COL12A1: variants seen among roughly 807,000 people sequenced by gnomAD.
COL12A1 encodes the protein collagen alpha-1(XII) chain.
Under a neutral mutation model 349.7 loss-of-function variants are expected in COL12A1, and 114 were observed. That is an observed-to-expected ratio of 0.33 (90% CI 0.28 to 0.38). COL12A1 has a LOEUF of 0.38. COL12A1 is among the 10% of genes least tolerant of loss of function. The pLI is 1.00. For missense variants in COL12A1, 3,284 were observed against 3,756.9 expected, an observed-to-expected ratio of 0.87 and a Z score of 3.29; for synonymous variants, 1,369 against 1,329.0, an observed-to-expected ratio of 1.03 and a Z score of -0.66.
Position 75,142,181 on chromosome 6 carries a change from G to A in COL12A1, c.4828-20C>T, listed in dbSNP as rs1472817571. ...CTCTACCTATAACAGTAACAGAGCA[G>A]TGGAACTACTTTTACAAAGGGTTTA... On this transcript the variant is annotated intron_variant, in intron 26 of 65. Transcript: ENST00000322507. 4.3e-6 allele frequency: 7 copies of A among 1,613,660 alleles called. No individual in the cohort carries two copies. In the South Asian group the frequency reaches 5.5e-5, roughly 13 times the overall value.
chr6:75,088,924 C>G (rs891496320), intron 64 of COL12A1, among the ~76,000 whole-genome samples, 182 bp downstream of exon 64: 1 of 151,874 alleles, frequency 6.6e-6, no homozygotes. Context: ...TGGCGTGAAC[C>G]CAGGAGGTGG....
rs189395945 is a variant in COL12A1, at chr6:75,141,452, G to C, written c.4957+580C>G. Reference sequence around the variant, plus strand: ...GCAGACGGAGCAGGAAGCAGGGTCTGGGCAGGCTGCCCGGTATCCCCCAGC... The same window carrying C: ...GCAGACGGAGCAGGAAGCAGGGTCTCGGCAGGCTGCCCGGTATCCCCCAGC... On this transcript the variant is annotated intron_variant, in intron 27 of 65. Transcript: ENST00000322507. 2.8e-3 allele frequency among the ~76,000 whole-genome samples: 433 copies of C among 152,288 alleles called. 1 individual carries two copies. Among genetic ancestry groups the C allele is most frequent in the African/African-American group, 9.1e-3 (378 of 41,562 alleles).
At chr6:75,175,351 A>T (rs1467490649) in intron 12 of COL12A1, 41 bp from the exon 13 acceptor site, 2 of 1,583,292 alleles carry the variant, frequency 1.3e-6, no homozygotes, top group Non-Finnish European at 8.6e-7. Flanking sequence ...CCCATTATTT[A>T]AAAAAATGAC....
chr6:75,151,300 A>G lies in COL12A1; in HGVS notation c.4001-13T>C. 2 of 1,606,302 alleles carry G rather than the reference A, an allele frequency of 1.2e-6. No individual in the cohort carries two copies. Among genetic ancestry groups the G allele is most frequent in the Non-Finnish European group, 1.7e-6 (2 of 1,175,528 alleles). ...GCATTTTTAATACCTTCAAAAACGG[A>G]TATATACAAATTAAAAGCACTTCTC... On this transcript the variant is annotated splice_polypyrimidine_tract_variant and intron_variant, in intron 20 of 65. Transcript: ENST00000322507.
chr6:75,126,595 T>C (rs1440077235), intron 38 of COL12A1, 125 bp from the exon 39 acceptor site: 1 of 1,115,558 alleles, frequency 9.0e-7, no homozygotes, highest in African/African-American at 1.6e-5. Flanking sequence ...AATGTCTTTA[T>C]CCAGAAAACA....
intron 64 of COL12A1, 88 bp downstream of exon 64, chr6:75,089,018 T>C: frequency 1.1e-6 from 1 of 930,386 alleles, no homozygotes; most frequent in Non-Finnish European, 1.6e-6. Flanking sequence ...AAAAAAAGAA[T>C]AACAGGATGA....
chr6:75,202,643 T>G, intron 2 of COL12A1, 77 bp downstream of exon 2: 3 of 1,398,230 alleles, frequency 2.1e-6, no homozygotes, highest in Non-Finnish European at 3.0e-6. Context: ...GAGCAAGCAA[T>G]AGAAGCAAGA....
At chr6:75,131,090 A>C in intron 35 of COL12A1, 109 bp from the exon 36 acceptor site, 3 of 1,399,320 alleles carry the variant, frequency 2.1e-6, no homozygotes. Flanking sequence ...GCCCAGACAC[A>C]TCAGAAGCCA....
Position 75,142,106 on chromosome 6 carries a change from G to GACCTC in COL12A1, c.4882_4883insGAGGT (p.Thr1628ArgfsTer21). 6.2e-7 allele frequency: 1 copy of GACCTC among 1,614,126 alleles called. No individual in the cohort carries two copies. ...TGCAGAAACGCTGACTGTGTACAAG[G>GACCTC]TCTGTGAGAAGAGGTCTTTGAGGGA... On this transcript the variant is annotated frameshift_variant, in exon 27 of 66. Coordinates refer to ENST00000322507, the MANE Select transcript of COL12A1 (RefSeq NM_004370.6). LOFTEE classifies it high-confidence loss of function.
chr6:75,155,893 G>T, intron 15 of COL12A1, 39 bp from the exon 16 acceptor site: 1 of 1,551,078 alleles, frequency 6.4e-7, no homozygotes, highest in South Asian at 1.2e-5. Flanking sequence ...TTATCTGTAA[G>T]ACTAGGCTTT....
At chr6:75,196,805 C>G (rs1485046701) in intron 2 of COL12A1, among the ~76,000 whole-genome samples, 1 of 152,202 alleles carries the variant, frequency 6.6e-6, no homozygotes, top group Non-Finnish European at 1.5e-5. Flanking sequence ...AACAGTACCA[C>G]CAACCTTGGA....
intron 12 of COL12A1, among the ~76,000 whole-genome samples, chr6:75,177,306 A>G (rs1027526993): frequency 6.6e-6 from 1 of 152,020 alleles, no homozygotes; most frequent in Non-Finnish European, 1.5e-5. Context: ...GTGTAGTTGC[A>G]CGCGCCTGTA....
At position 75,147,462 on chromosome 6, in the gene COL12A1, A is replaced by G. The variant is rs185449009; in HGVS notation, c.4417+213T>C. 5.0e-3 allele frequency among the ~76,000 whole-genome samples: 755 copies of G among 152,322 alleles called. 3 individuals are homozygous for G. Among genetic ancestry groups the G allele is most frequent in the Middle Eastern group, 0.031 (9 of 294 alleles). ...TAGATTATTATGGCAGTGACCCCCT[A>G]TTCCACAGTGGAGCTCCATGATGGC... On this transcript the variant is annotated intron_variant, in intron 23 of 65. Transcript: ENST00000322507.
chr6:75,153,786 A>G (rs528997043), intron 17 of COL12A1, among the ~76,000 whole-genome samples: 12 of 152,270 alleles, frequency 7.9e-5, no homozygotes, highest in African/African-American at 2.6e-4. Context: ...ATGTTCATAA[A>G]GGCTGTAATT....
At chr6:75,101,710 G>C in intron 57 of COL12A1, 57 bp from the exon 58 acceptor site, 1 of 1,566,368 alleles carries the variant, frequency 6.4e-7, no homozygotes, top group Non-Finnish European at 8.6e-7. Flanking sequence ...GTGTGGGAGA[G>C]AATCTTTGTT....
At chr6:75,179,403 T>C (rs1210313292) in intron 11 of COL12A1, among the ~76,000 whole-genome samples, 1 of 152,090 alleles carries the variant, frequency 6.6e-6, no homozygotes, top group Non-Finnish European at 1.5e-5. Context: ...GTGTGGGCAT[T>C]ACAGGAAAAG....
rs1767731664 is a variant in COL12A1 at position 75,090,964 on chromosome 6, A to T, written c.8752+359T>A. On this transcript the variant is annotated intron_variant, in intron 62 of 65. Coordinates refer to ENST00000322507, the MANE Select transcript of COL12A1 (RefSeq NM_004370.6). This position sits in a 1 kb window ranked among gnomAD's most constrained non-coding sequence, Gnocchi z 4.1. ...ATGGAATAAGAAGAGCCTGTGAAAA[A>T]CAGGCAAGAGAGAGTTTCCTACCAA... 6.6e-6 allele frequency among the ~76,000 whole-genome samples: 1 copy of T among 152,200 alleles called. No homozygotes were observed. Among genetic ancestry groups the T allele is most frequent in the African/African-American group, 2.4e-5 (1 of 41,448 alleles).
intron 25 of COL12A1, among the ~76,000 whole-genome samples, chr6:75,143,899 A>G (rs1462560515): frequency 6.6e-6 from 1 of 152,202 alleles, no homozygotes; most frequent in Non-Finnish European, 1.5e-5. Context: ...GAAAATCCAA[A>G]TGGTAAATGT....
At chr6:75,184,180 T>A in intron 8 of COL12A1, 36 bp from the exon 9 acceptor site, 1 of 1,594,878 alleles carries the variant, frequency 6.3e-7, no homozygotes, top group Non-Finnish European at 8.5e-7. Context: ...TTAATAACAG[T>A]GAGATGTAAC....
Sources: allele counts gnomAD v4.1 joint callset (sites outside exome capture counted in the v4.1 genomes callset), GRCh38; gene constraint gnomAD v4.1.1; non-coding constraint Gnocchi (gnomAD v3.1); transcripts MANE v1.5; gene names NCBI Gene and HGNC (gene_info 2026-07-23, HGNC 2026-07-21).